The following MED17 variants were observed in gnomAD, a reference collection of about 807,000 sequenced individuals.
MED17 encodes mediator complex subunit 17, also known as mediator of RNA polymerase II transcription subunit 17.
In MED17, 49 loss-of-function variants were observed where a neutral mutation model predicts 80.8. That is an observed-to-expected ratio of 0.61 (90% CI 0.48 to 0.77). The LOEUF (loss-of-function observed/expected upper bound fraction) is 0.77. Ranked by LOEUF, MED17 falls within the 30% of genes least tolerant of loss-of-function variation. The probability of loss-of-function intolerance (pLI) is 0.00; values close to 1 mark genes in which losing one functional copy is unlikely to be tolerated. For synonymous variants in MED17, 281 were observed against 280.4 expected (o/e 1.00, Z -0.02); for missense variants, 718 against 787.0 (o/e 0.91, Z 1.05).
intron 8 of MED17, chr11:93,801,620 GA>G: frequency 1.9e-6 from 1 of 538,746 alleles, no homozygotes; most frequent in Non-Finnish European, 3.3e-6. Context: ...TGTGTGATGA[GA>G]GTGTATTGTA....
chr11:93,811,901 G>C lies in MED17; in HGVS notation c.1793G>C (p.Arg598Pro). 4 of 1,613,974 alleles carry C rather than the reference G, an allele frequency of 2.5e-6. No homozygotes were observed. The highest frequency in any genetic ancestry group is 3.4e-6 in the Non-Finnish European group (4 of 1,179,988). ...AGCAAGATTATGGTTCAGTTTCCTC[G>C]TAACCAATGTAAAGACCTTCCAAAA... Reference protein sequence around the residue: ...SGSKIMVQFPRNQCKDLPKSD... With the variant: ...SGSKIMVQFPPNQCKDLPKSD... Residue 598 changes from arginine to proline, a missense_variant, in exon 12 of 12, where the codon CGT (arginine) becomes CCT (proline). By Grantham distance (103) the Arg-to-Pro change is moderately radical. Coordinates refer to ENST00000251871, the MANE Select transcript of MED17 (RefSeq NM_004268.5).
intron 5 of MED17, 164 bp downstream of exon 5, chr11:93,794,199 ATTTTTTTTT>A: frequency 6.1e-6 from 2 of 327,724 alleles, no homozygotes; most frequent in South Asian, 2.6e-5. Context: ...TAGCTGTGCA[ATTTTTTTTT>A]TTTTTTTTTT....
chr11:93,812,928 C>T lies in MED17; in HGVS notation c.*864C>T, dbSNP rs1944098492. 6.6e-6 allele frequency: 1 copy of T among 152,312 alleles called. No individual in the cohort carries two copies. 9.4% of individuals were successfully genotyped at this position (152,312 alleles called of 1,614,324 possible). On this transcript the variant is annotated 3_prime_UTR_variant, in exon 12 of 12. Coordinates refer to ENST00000251871, the MANE Select transcript of MED17 (RefSeq NM_004268.5). ...TTGATTGACCTCACCAGTTGAGACA[C>T]CTAGTGTATGGCTCATGCCCAGCCT... is the stretch of plus-strand genomic sequence containing the variant.
intron 8 of MED17, 38 bp downstream of exon 8, chr11:93,797,757 T>C (rs745431944): frequency 3.2e-6 from 5 of 1,559,580 alleles, no homozygotes; most frequent in Non-Finnish European, 3.5e-6. Flanking sequence ...TGTTTTTTCT[T>C]TGAAATTGCA....
At chr11:93,800,350 G>A (rs1016783300) in intron 8 of MED17, among the ~76,000 whole-genome samples, 4 of 151,812 alleles carry the variant, frequency 2.6e-5, no homozygotes, top group South Asian at 2.1e-4. Context: ...GAGGTGAGGC[G>A]TGGCATGGTG....
At chr11:93,805,075 T>G (rs1286024284) in intron 9 of MED17, among the ~76,000 whole-genome samples, 1 of 152,226 alleles carries the variant, frequency 6.6e-6, no homozygotes, top group African/African-American at 2.4e-5. Context: ...AATGAATAAT[T>G]TATTGCTCAG....
At chr11:93,797,451 T>A (rs1943916343) in intron 7 of MED17, 84 bp from the exon 8 acceptor site, 2 of 1,308,584 alleles carry the variant, frequency 1.5e-6, no homozygotes, top group Non-Finnish European at 2.2e-6. Context: ...TTCCTTTCAG[T>A]GTTTCTGTCA....
chr11:93,788,464 G>A (rs746471733), intron 2 of MED17: 9 of 280,358 alleles, frequency 3.2e-5, no homozygotes, highest in East Asian at 9.5e-5. Flanking sequence ...GGCAGATCAC[G>A]AGGTCAGGAG....
intron 9 of MED17, chr11:93,807,124 T>A (rs868754378): frequency 3.6e-4 from 70 of 196,160 alleles, no homozygotes; most frequent in African/African-American, 1.5e-3. Context: ...TAAAACTTTT[T>A]TTTTTGGCCG....
chr11:93,810,019 C>A, intron 11 of MED17, 143 bp downstream of exon 11: 2 of 832,406 alleles, frequency 2.4e-6, no homozygotes, highest in Non-Finnish European at 2.0e-6. Flanking sequence ...TTTATTTGAT[C>A]ATAGCTATTA....
Position 93,812,029 on chromosome 11 carries a change from C to G in MED17, c.1921C>G (p.Leu641Val). Residue 641 changes from leucine to valine, a missense_variant, in exon 12 of 12, where the codon CTG becomes GTG. Coordinates refer to ENST00000251871, the MANE Select transcript of MED17 (RefSeq NM_004268.5). ...TCGAAATTTTGTTTATAAAATGGAG[C>G]TGCTTATGTCTGCACTTAGCCCTTG... ...EGRNFVYKMELLMSALSPCLL is the reference protein window; with the variant it reads ...EGRNFVYKMEVLMSALSPCLL 6.2e-7 allele frequency: 1 copy of G among 1,614,038 alleles called. No homozygotes were observed.
At chr11:93,792,337 T>C (rs1943845911) in intron 3 of MED17, among the ~76,000 whole-genome samples, 1 of 152,222 alleles carries the variant, frequency 6.6e-6, no homozygotes, top group Non-Finnish European at 1.5e-5. Context: ...TAAATCTCAT[T>C]ATAAAGATGA....
chr11:93,810,032 C>T (rs918547182), intron 11 of MED17, 156 bp downstream of exon 11: 1 of 750,468 alleles, frequency 1.3e-6, no homozygotes, highest in Non-Finnish European at 2.3e-6. Context: ...AGCTATTATG[C>T]AGAGCAAGAG....
intron 9 of MED17, 114 bp from the exon 10 acceptor site, chr11:93,807,404 G>A (rs1944037674): frequency 1.4e-6 from 1 of 739,362 alleles, no homozygotes; most frequent in Non-Finnish European, 2.4e-6. Context: ...CAGGCTTTGA[G>A]ACTTTGTCTA....
chr11:93,809,941 T>C (rs1228270650), intron 11 of MED17, 65 bp downstream of exon 11: 4 of 1,481,826 alleles, frequency 2.7e-6, no homozygotes, highest in Non-Finnish European at 3.8e-6. Context: ...TTAGTTTTAA[T>C]AATTAAATAT....
rs796352468 is a variant in MED17 at position 93,814,018 on chromosome 11, C to G, written c.*1954C>G. On this transcript the variant is annotated 3_prime_UTR_variant, in exon 12 of 12. Coordinates refer to ENST00000251871, the MANE Select transcript of MED17 (RefSeq NM_004268.5). ...GCATAAGCCACAGTGCCCAGCCCCC[C>G]CAAATATAAACATTTCTGAATGCTT... is the stretch of plus-strand genomic sequence containing the variant. 1.3e-5 allele frequency: 2 copies of G among 152,208 alleles called. No individual in the cohort carries two copies. Among genetic ancestry groups the G allele is most frequent in the South Asian group, 2.1e-4 (1 of 4,834 alleles). 9.4% of individuals were successfully genotyped at this position (152,208 alleles called of 1,614,324 possible).
chr11:93,792,551 A>C (rs954975758), intron 3 of MED17, among the ~76,000 whole-genome samples: 1 of 152,226 alleles, frequency 6.6e-6, no homozygotes, highest in Non-Finnish European at 1.5e-5. Flanking sequence ...CCCTTGTTAT[A>C]AAACCAGTTA....
rs543287799 is a variant in MED17 at position 93,793,376 on chromosome 11, C to G, written c.638-352C>G. On this transcript the variant is annotated intron_variant, in intron 3 of 11. Coordinates refer to ENST00000251871, the MANE Select transcript of MED17 (RefSeq NM_004268.5). ...AGGTGATCCATCCGCCTCGTCCTCC[C>G]AAAGTGCTGGGATTACAGGCATGAG... The G allele has an allele frequency of 2.9e-5, 7 of 241,004 alleles. No individual in the cohort carries two copies. In the East Asian group the frequency reaches 8.7e-4, roughly 30 times the overall value. The allele number at this position is 241,004 out of a possible 1,614,324, so 14.9% of individuals were successfully genotyped here. A position where few individuals can be genotyped will look rare whatever the true frequency, so the allele number is the denominator to read the frequency against.
rs537707201 is a variant in MED17, at chr11:93,813,228, A to C, written c.*1164A>C. 6.6e-6 allele frequency: 1 copy of C among 152,336 alleles called. No homozygotes were observed. Among genetic ancestry groups the C allele is most frequent in the East Asian group, 1.9e-4 (1 of 5,188 alleles). The allele number at this position is 152,336 out of a possible 1,614,324, so 9.4% of individuals were successfully genotyped here. A position where few individuals can be genotyped will look rare whatever the true frequency, so the allele number is the denominator to read the frequency against. ...AAGTAAGGCTTTCAATTTTTAAAACAGACATCCTGCTTTAACAATTTGTAA... is the reference window on the plus strand; with the variant it reads ...AAGTAAGGCTTTCAATTTTTAAAACCGACATCCTGCTTTAACAATTTGTAA... On this transcript the variant is annotated 3_prime_UTR_variant, in exon 12 of 12. Coordinates refer to ENST00000251871, the MANE Select transcript of MED17 (RefSeq NM_004268.5).
Sources: gnomAD v4.1 joint callset for allele counts (sites outside exome capture counted in the v4.1 genomes callset) on GRCh38, gnomAD v4.1.1 for gene constraint, MANE v1.5 for transcripts, NCBI Gene and HGNC (gene_info 2026-07-23, HGNC 2026-07-21) for gene names.